Variants in ACLY observed in about 807,000 individuals in gnomAD.
The protein encoded by ACLY is ATP citrate lyase, also known as ATP-citrate synthase.
ACLY carries 41 observed loss-of-function variants against 133.0 expected under a neutral mutation model. The ratio of observed to expected loss-of-function variants is 0.31; its 90% CI spans 0.24 to 0.40. The LOEUF (loss-of-function observed/expected upper bound fraction) is 0.40, where lower values mean the gene tolerates loss of function less well. Among genes scored for constraint, ACLY ranks in the 10% least tolerant of loss-of-function variants. The pLI, the probability that ACLY is intolerant of heterozygous loss-of-function variation, is 1.00. For missense variants in ACLY, 1,046 were observed against 1,453.8 expected, an observed-to-expected ratio of 0.72 and a Z score of 4.56; for synonymous variants, 495 against 549.3, an observed-to-expected ratio of 0.90 and a Z score of 1.38.
At position 41,868,613 on chromosome 17, in the gene ACLY, A is replaced by G. The variant is rs1359875330; in HGVS notation, c.3211+96T>C. ...CAAAAAGAAAATTAAAAAAAAAAAA[A>G]AAGAAAGAAAAAGAAACTCAACCCC... On this transcript the variant is annotated intron_variant, in intron 28 of 28. Transcript: ENST00000352035. 23 of 670,748 alleles carry G rather than the reference A, an allele frequency of 3.4e-5. 1 individual carries two copies. The highest frequency in any genetic ancestry group is 7.5e-4 in the Middle Eastern group (2 of 2,668). 41.5% of individuals were successfully genotyped at this position (670,748 alleles called of 1,614,324 possible).
At chr17:41,901,940 A>G (rs1320261304) in intron 10 of ACLY, 127 bp from the exon 11 acceptor site, 45 of 725,008 alleles carry the variant, frequency 6.2e-5, no homozygotes, top group Admixed American at 1.0e-4. Flanking sequence ...AGGACTACGC[A>G]TAAGCAGCCA....
intron 23 of ACLY, among the ~76,000 whole-genome samples, chr17:41,873,432 C>T (rs1439228892): frequency 6.6e-6 from 1 of 152,144 alleles, no homozygotes; most frequent in African/African-American, 2.4e-5. Flanking sequence ...CCACTCACCT[C>T]GGCCTCCCAA....
chr17:41,930,463 C>G, exon 1 of ACLY: 1 of 414,430 alleles, frequency 2.4e-6, no homozygotes, highest in South Asian at 2.8e-5. Flanking sequence ...GAGAGAACCG[C>G]CAGAGCGTGC....
At chr17:41,868,595 A>G (rs1173102644) in intron 28 of ACLY, 114 bp downstream of exon 28, 2 of 622,702 alleles carry the variant, frequency 3.2e-6, no homozygotes, top group Non-Finnish European at 4.9e-6. Flanking sequence ...CCACAAAAAG[A>G]AAATTAAAAA....
At chr17:41,922,630 G>C (rs1284269567), upstream of ACLY, among the ~76,000 whole-genome samples, 6 of 152,062 alleles carry the variant, frequency 3.9e-5, no homozygotes, top group Non-Finnish European at 7.4e-5. Context: ...AGATATACTT[G>C]CGTATGTGCA....
intron 1 of ACLY, among the ~76,000 whole-genome samples, chr17:41,918,615 C>G (rs1277012351): frequency 6.6e-6 from 1 of 152,066 alleles, no homozygotes; most frequent in South Asian, 2.1e-4. Flanking sequence ...GCAGAAGAGG[C>G]AAGGATGGCG....
intron 3 of ACLY, 131 bp from the exon 4 acceptor site, chr17:41,910,415 G>A: frequency 1.9e-5 from 14 of 731,788 alleles, no homozygotes; most frequent in Admixed American, 1.8e-4. Flanking sequence ...GATTTTTCCA[G>A]AAAAAATGGG....
At chr17:41,900,368 A>T (rs554146698) in intron 11 of ACLY, among the ~76,000 whole-genome samples, 3 of 89,256 alleles carry the variant, frequency 3.4e-5, no homozygotes, top group East Asian at 7.3e-4. Flanking sequence ...ATCTCAAAAT[A>T]AAAAAAAAAG....
Position 41,867,631 on chromosome 17 carries a change from T to C in ACLY, c.*179A>G, listed in dbSNP as rs2048498792. The C allele has an allele frequency of 2.3e-6, 1 of 428,528 alleles. No homozygotes were observed. Among genetic ancestry groups the C allele is most frequent in the African/African-American group, 2.0e-5 (1 of 48,912 alleles). The allele number at this position is 428,528 out of a possible 1,614,324, so 26.5% of individuals were successfully genotyped here. A position where few individuals can be genotyped will look rare whatever the true frequency, so the allele number is the denominator to read the frequency against. ...TTATAAAAAAAATATGAAGCTTCTT[T>C]GTGTGGACTGAAGGGGTGTTAGCCT... is the stretch of plus-strand genomic sequence containing the variant. On this transcript the variant is annotated 3_prime_UTR_variant, in exon 29 of 29. Coordinates refer to ENST00000352035, the MANE Select transcript of ACLY (RefSeq NM_001096.3).
At chr17:41,886,534 TA>T (rs1555628179) in intron 17 of ACLY, among the ~76,000 whole-genome samples, 1 of 152,220 alleles carries the variant, frequency 6.6e-6, no homozygotes, top group African/African-American at 2.4e-5. Flanking sequence ...CATGGCTCAC[TA>T]ATTCAGGTTC....
chr17:41,885,873 C>T (rs148625167), intron 18 of ACLY, among the ~76,000 whole-genome samples: 1 of 152,306 alleles, frequency 6.6e-6, no homozygotes, highest in East Asian at 1.9e-4. Flanking sequence ...TCACAACAAA[C>T]AGAATTATCC....
At chr17:41,893,933 G>T (rs1277859513) in intron 14 of ACLY, among the ~76,000 whole-genome samples, 2 of 152,202 alleles carry the variant, frequency 1.3e-5, no homozygotes, top group African/African-American at 4.8e-5. Flanking sequence ...TAAGGCGCAG[G>T]TCAGGTGTGG....
chr17:41,881,099 G>T (rs1028110497), intron 20 of ACLY, among the ~76,000 whole-genome samples: 2 of 151,748 alleles, frequency 1.3e-5, no homozygotes, highest in South Asian at 2.1e-4. Context: ...TACAGAGTTG[G>T]GGGGAGAGCA....
chr17:41,874,803 G>A (rs1461135623), intron 22 of ACLY, among the ~76,000 whole-genome samples: 2 of 150,490 alleles, frequency 1.3e-5, no homozygotes, highest in East Asian at 2.0e-4. Context: ...TCAATCTCCT[G>A]ACCTCATGAT....
intron 26 of ACLY, 132 bp from the exon 27 acceptor site, chr17:41,869,257 A>G (rs2048538828): frequency 1.1e-6 from 1 of 890,518 alleles, no homozygotes; most frequent in Admixed American, 2.2e-5. Context: ...ACTGGTCGAC[A>G]CTGTGTCTGA....
intron 1 of ACLY, among the ~76,000 whole-genome samples, chr17:41,917,494 C>G (rs1351796706): frequency 6.6e-6 from 1 of 152,098 alleles, no homozygotes; most frequent in Non-Finnish European, 1.5e-5. Context: ...GCAGCCCACA[C>G]AGGAGGCTGA....
At chr17:41,916,353 G>T (rs2050051158) in intron 1 of ACLY, among the ~76,000 whole-genome samples, 4 of 151,414 alleles carry the variant, frequency 2.6e-5, no homozygotes, top group Admixed American at 1.3e-4. Context: ...GTTCAGTGAG[G>T]TCTTCTGTTT....
chr17:41,921,296 TCAAAA>T (rs1221516699), upstream of ACLY, among the ~76,000 whole-genome samples: 2 of 151,352 alleles, frequency 1.3e-5, no homozygotes, highest in Admixed American at 6.6e-5. Flanking sequence ...AGACTCCGTC[TCAAAA>T]CAAAACAAAA....
At chr17:41,910,677 C>A (rs1159493243) in intron 3 of ACLY, among the ~76,000 whole-genome samples, 1 of 152,204 alleles carries the variant, frequency 6.6e-6, no homozygotes. Flanking sequence ...GTGACTCAGC[C>A]TCAGGACATG....
Sources: allele counts gnomAD v4.1 joint callset (sites outside exome capture counted in the v4.1 genomes callset), GRCh38; gene constraint gnomAD v4.1.1; transcripts MANE v1.5; gene names NCBI Gene and HGNC (gene_info 2026-07-23, HGNC 2026-07-21).